The following AGBL4 variants were observed in gnomAD, a reference collection of about 807,000 sequenced individuals.
The protein encoded by AGBL4 is AGBL carboxypeptidase 4, also known as cytosolic carboxypeptidase 6.
In AGBL4, 58 loss-of-function variants were observed where a neutral mutation model predicts 66.4. That is an observed-to-expected ratio of 0.87 (90% CI 0.71 to 1.09). AGBL4 has a LOEUF of 1.09. AGBL4 is among the 50% of genes least tolerant of loss of function. The pLI is 0.00. For missense variants in AGBL4, 579 were observed against 631.0 expected (o/e 0.92, Z 0.88); for synonymous variants, 234 against 222.9 (o/e 1.05, Z -0.44).
intron 5 of AGBL4, among the ~76,000 whole-genome samples, chr1:49,021,458 G>T (rs1298769293): frequency 2.0e-5 from 3 of 152,056 alleles, no homozygotes; most frequent in Non-Finnish European, 2.9e-5. Context: ...AATCATAAGG[G>T]TGGAGCCCTC....
chr1:49,250,589 G>A (rs576777314), intron 3 of AGBL4, among the ~76,000 whole-genome samples: 2 of 152,050 alleles, frequency 1.3e-5, no homozygotes, highest in African/African-American at 4.8e-5. Flanking sequence ...GACTACAGGT[G>A]TGTGCCACTA....
rs1004745042 is a variant in AGBL4 at position 49,282,954 on chromosome 1, G to A, written c.283-37090C>T. Among the ~76,000 whole-genome samples, 28 of 152,304 alleles carry A rather than the reference G, an allele frequency of 1.8e-4. 1 individual carries two copies. Among genetic ancestry groups the A allele is most frequent in the African/African-American group, 5.8e-4 (24 of 41,574 alleles). ...CAGCGAGGCTGGGGGAGGGGCGCCCGCCATTGCCCAGGCTTGCTTAGGTAA... is the reference window on the plus strand; with the variant it reads ...CAGCGAGGCTGGGGGAGGGGCGCCCACCATTGCCCAGGCTTGCTTAGGTAA... On this transcript the variant is annotated intron_variant, in intron 3 of 13. Coordinates refer to ENST00000371839, the MANE Select transcript of AGBL4 (RefSeq NM_032785.4).
chr1:49,618,215 C>T (rs938359908), intron 3 of AGBL4, among the ~76,000 whole-genome samples: 45 of 152,232 alleles, frequency 3.0e-4, no homozygotes, highest in Middle Eastern at 6.8e-3. Context: ...TAGTATTCCA[C>T]GGTATACCTG....
chr1:48,938,423 G>A (rs183731114), intron 5 of AGBL4, among the ~76,000 whole-genome samples: 75 of 152,286 alleles, frequency 4.9e-4, no homozygotes, highest in African/African-American at 1.8e-3. Flanking sequence ...GTACTATAAA[G>A]GGGGGAACAC....
intron 4 of AGBL4, among the ~76,000 whole-genome samples, chr1:49,154,647 T>C (rs1646397436): frequency 6.6e-6 from 1 of 152,184 alleles, no homozygotes. Context: ...AGATTTATTA[T>C]TGTCTCCCAT....
intron 3 of AGBL4, among the ~76,000 whole-genome samples, chr1:49,399,930 C>G (rs1645048481): frequency 6.6e-6 from 1 of 151,904 alleles, no homozygotes. Context: ...AGTCCAATGT[C>G]CTGGAGAGTT....
intron 3 of AGBL4, among the ~76,000 whole-genome samples, chr1:49,465,103 C>T (rs1646597788): frequency 6.6e-6 from 1 of 151,554 alleles, no homozygotes; most frequent in Non-Finnish European, 1.5e-5. Flanking sequence ...GGGTGAGGTA[C>T]ATACACTGTG....
intron 6 of AGBL4, among the ~76,000 whole-genome samples, chr1:48,791,013 T>C (rs1029779164): frequency 5.3e-5 from 8 of 152,178 alleles, no homozygotes; most frequent in African/African-American, 1.9e-4. Flanking sequence ...CCTCACCAGA[T>C]GTAGCCCCTT....
intron 11 of AGBL4, among the ~76,000 whole-genome samples, chr1:48,567,236 T>G (rs1439500132): frequency 1.3e-5 from 2 of 152,208 alleles, no homozygotes; most frequent in Admixed American, 6.5e-5. Context: ...TTGTGAGCTA[T>G]TTCACCTTGC....
intron 3 of AGBL4, among the ~76,000 whole-genome samples, chr1:49,506,510 T>C (rs1004390949): frequency 1.3e-5 from 2 of 151,924 alleles, no homozygotes; most frequent in African/African-American, 2.4e-5. Flanking sequence ...ATGAGATCTG[T>C]TGGTTTTATA....
chr1:49,254,832 AC>A (rs1331318521), intron 3 of AGBL4, among the ~76,000 whole-genome samples: 6 of 152,214 alleles, frequency 3.9e-5, no homozygotes, highest in African/African-American at 1.2e-4. Flanking sequence ...GACCAATGGA[AC>A]AGAATAGAGA....
intron 3 of AGBL4, among the ~76,000 whole-genome samples, chr1:49,542,329 C>T (rs753789504): frequency 5.9e-5 from 9 of 152,164 alleles, no homozygotes; most frequent in Non-Finnish European, 8.8e-5. Flanking sequence ...TTTGGGTCTG[C>T]ACTGCCTTTA....
At chr1:49,459,867 T>C (rs1570767924) in intron 3 of AGBL4, among the ~76,000 whole-genome samples, 1 of 151,758 alleles carries the variant, frequency 6.6e-6, no homozygotes, top group South Asian at 2.1e-4. Context: ...GTCACTATTA[T>C]CTTTCAATTC....
chr1:49,504,889 TTTA>T (rs773930814), intron 3 of AGBL4, among the ~76,000 whole-genome samples: 2 of 151,974 alleles, frequency 1.3e-5, no homozygotes, highest in East Asian at 1.9e-4. Context: ...TTTTTGTTGT[TTTA>T]TTATTATTAT....
chr1:49,879,367 A>T (rs1220680408), intron 1 of AGBL4, among the ~76,000 whole-genome samples: 4 of 147,226 alleles, frequency 2.7e-5, no homozygotes, highest in East Asian at 2.0e-4. Context: ...TGGTGACAAA[A>T]TCTCTCAGCA....
intron 4 of AGBL4, among the ~76,000 whole-genome samples, chr1:49,062,613 G>A (rs778979290): frequency 1.3e-5 from 2 of 152,290 alleles, no homozygotes; most frequent in Admixed American, 6.5e-5. Context: ...AGCATAACAC[G>A]TAAGCCATGT....
At chr1:49,299,434 G>A (rs773876290) in intron 3 of AGBL4, among the ~76,000 whole-genome samples, 4 of 152,170 alleles carry the variant, frequency 2.6e-5, no homozygotes, top group Non-Finnish European at 5.9e-5. Flanking sequence ...TTAGGGAAGA[G>A]AAATAAATAT....
At chr1:49,894,620 T>C (rs1366853580) in intron 1 of AGBL4, among the ~76,000 whole-genome samples, 1 of 152,002 alleles carries the variant, frequency 6.6e-6, no homozygotes, top group African/African-American at 2.4e-5. Context: ...GCAATTGACA[T>C]ACTGAAGGAT....
At chr1:48,593,797 T>C (rs2148352182) in intron 9 of AGBL4, among the ~76,000 whole-genome samples, 2 of 152,224 alleles carry the variant, frequency 1.3e-5, no homozygotes, top group East Asian at 3.9e-4. Flanking sequence ...TTCCTAGAAG[T>C]GAAATTCCCA....
Sources: gnomAD v4.1 joint callset for allele counts (sites outside exome capture counted in the v4.1 genomes callset) on GRCh38, gnomAD v4.1.1 for gene constraint, MANE v1.5 for transcripts, NCBI Gene and HGNC (gene_info 2026-07-23, HGNC 2026-07-21) for gene names.